The following FAT3 variants were observed in gnomAD, a reference collection of about 807,000 sequenced individuals.
The protein encoded by FAT3 is FAT atypical cadherin 3, also known as protocadherin Fat 3.
Under a neutral mutation model 310.2 loss-of-function variants are expected in FAT3, and 95 were observed. That is an observed-to-expected ratio of 0.31 (90% CI 0.26 to 0.36). FAT3 has a LOEUF of 0.36. Ranked by LOEUF, FAT3 falls within the 10% of genes least tolerant of loss-of-function variation. The pLI is 1.00. For missense variants in FAT3, 5,408 were observed against 5,715.6 expected (o/e 0.95, Z 1.74); for synonymous variants, 2,314 against 2,192.9 (o/e 1.06, Z -1.54).
chr11:92,325,741 C>G (rs1484743841), intron 1 of FAT3, among the ~76,000 whole-genome samples: 2 of 152,206 alleles, frequency 1.3e-5, no homozygotes, highest in African/African-American at 4.8e-5. Context: ...AATTGATTCT[C>G]CTGCCTCAGT....
intron 3 of FAT3, among the ~76,000 whole-genome samples, chr11:92,666,185 T>C (rs934759122): frequency 2.0e-5 from 3 of 152,116 alleles, no homozygotes; most frequent in Admixed American, 2.0e-4. Flanking sequence ...GTTATAAAAG[T>C]AGTAAAAGTA....
intron 23 of FAT3, 125 bp downstream of exon 23, chr11:92,881,009 G>C: frequency 1.9e-6 from 2 of 1,052,040 alleles, no homozygotes; most frequent in Non-Finnish European, 2.8e-6. Flanking sequence ...ACATCTGCAC[G>C]ATACGTATAA....
chr11:92,471,914 GCTATATATATATATAT>G (rs1407009590), intron 2 of FAT3, among the ~76,000 whole-genome samples: 5 of 62,930 alleles, frequency 7.9e-5, no homozygotes, highest in African/African-American at 2.4e-4. Flanking sequence ...CTTTTCATAT[GCTATATATATATATAT>G]ATATATATAT....
intron 22 of FAT3, among the ~76,000 whole-genome samples, chr11:92,867,914 A>AAAAAGC (rs1388732446): frequency 6.6e-6 from 1 of 151,782 alleles, no homozygotes; most frequent in Non-Finnish European, 1.5e-5. Context: ...AGGCATTAAA[A>AAAAAGC]AAAAGCAAAA....
chr11:92,707,212 A>T (rs1944383741), intron 4 of FAT3, among the ~76,000 whole-genome samples: 1 of 152,166 alleles, frequency 6.6e-6, no homozygotes, highest in South Asian at 2.1e-4. Context: ...AAACCAGTTC[A>T]CTTGGATCTA....
At chr11:92,830,728 A>G (rs1565631197) in intron 13 of FAT3, among the ~76,000 whole-genome samples, 1 of 152,004 alleles carries the variant, frequency 6.6e-6, no homozygotes, top group African/African-American at 2.4e-5. Flanking sequence ...AGCCCTCCCC[A>G]TCTCAGCTAA....
chr11:92,691,313 T>C (rs925410005), intron 3 of FAT3, among the ~76,000 whole-genome samples: 1 of 152,214 alleles, frequency 6.6e-6, no homozygotes, highest in Admixed American at 6.5e-5. Flanking sequence ...CAGATGACTT[T>C]GCCAATGCTC....
intron 7 of FAT3, among the ~76,000 whole-genome samples, chr11:92,776,803 G>A (rs1946609793): frequency 6.6e-6 from 1 of 152,042 alleles, no homozygotes; most frequent in South Asian, 2.1e-4. Flanking sequence ...TTTATGAAGT[G>A]GGAACTAAGA....
intron 7 of FAT3, among the ~76,000 whole-genome samples, chr11:92,787,000 GC>G (rs1179234343): frequency 6.6e-6 from 1 of 152,090 alleles, no homozygotes; most frequent in African/African-American, 2.4e-5. Context: ...ATTCTTTCTT[GC>G]GGGGGCTGTC....
At chr11:92,351,935 A>G (rs549156777) in intron 1 of FAT3, among the ~76,000 whole-genome samples, 161 bp from the exon 2 acceptor site, 1 of 152,338 alleles carries the variant, frequency 6.6e-6, no homozygotes, top group East Asian at 1.9e-4. Flanking sequence ...CTTATTACCT[A>G]GTAGTGGCAA....
chr11:92,616,133 A>G (rs1253609356), intron 3 of FAT3, among the ~76,000 whole-genome samples: 2 of 152,174 alleles, frequency 1.3e-5, no homozygotes, highest in Non-Finnish European at 2.9e-5. Context: ...TAGGTCTCTA[A>G]AGACTTGCTT....
intron 2 of FAT3, among the ~76,000 whole-genome samples, chr11:92,410,009 C>T (rs1259625960): frequency 6.6e-6 from 1 of 151,846 alleles, no homozygotes; most frequent in Non-Finnish European, 1.5e-5. Flanking sequence ...ATTGTTCAAT[C>T]CTGGGAAAAG....
intron 6 of FAT3, among the ~76,000 whole-genome samples, chr11:92,772,237 C>T (rs1171888288): frequency 6.6e-6 from 1 of 152,104 alleles, no homozygotes; most frequent in Non-Finnish European, 1.5e-5. Flanking sequence ...CTAGAAACAA[C>T]CTGAGAAGTT....
chr11:92,823,216 C>A (rs1474015022), intron 13 of FAT3, among the ~76,000 whole-genome samples: 2 of 152,118 alleles, frequency 1.3e-5, no homozygotes, highest in African/African-American at 4.8e-5. Flanking sequence ...ATATAGAAAA[C>A]CCGTTGCATG....
intron 4 of FAT3, among the ~76,000 whole-genome samples, chr11:92,727,306 A>C (rs2135988434): frequency 6.6e-6 from 1 of 152,318 alleles, no homozygotes; most frequent in East Asian, 1.9e-4. Context: ...GCCAAGAGTC[A>C]CTAGTTAGGA....
intron 3 of FAT3, among the ~76,000 whole-genome samples, chr11:92,594,119 A>C (rs1939582688): frequency 6.6e-6 from 1 of 152,134 alleles, no homozygotes; most frequent in Admixed American, 6.6e-5. Context: ...ACCTTGTGAT[A>C]TCCATCCTGT....
chr11:92,246,562 G>T (rs779453857), intron 1 of FAT3, among the ~76,000 whole-genome samples: 9 of 152,092 alleles, frequency 5.9e-5, no homozygotes, highest in Non-Finnish European at 8.8e-5. Context: ...GGGAGGAGGA[G>T]AAGAAGGAAG....
chr11:92,583,304 C>T (rs2135538248), intron 3 of FAT3, among the ~76,000 whole-genome samples: 1 of 152,070 alleles, frequency 6.6e-6, no homozygotes, highest in Admixed American at 6.6e-5. Flanking sequence ...TACAAGATAG[C>T]TTTCTCCTTC....
chr11:92,483,975 TAC>T (rs1195341931), intron 2 of FAT3, among the ~76,000 whole-genome samples: 1 of 152,232 alleles, frequency 6.6e-6, no homozygotes, highest in African/African-American at 2.4e-5. Flanking sequence ...ATGATTGTGG[TAC>T]ACTCACATGA....
Sources: gnomAD v4.1 joint callset for allele counts (sites outside exome capture counted in the v4.1 genomes callset) on GRCh38, gnomAD v4.1.1 for gene constraint, MANE v1.5 for transcripts, NCBI Gene and HGNC (gene_info 2026-07-23, HGNC 2026-07-21) for gene names.